The following PCDHA4 variants were observed in gnomAD, a reference collection of about 807,000 sequenced individuals.
The protein encoded by PCDHA4 is protocadherin alpha 4, also known as protocadherin alpha-4.
Under a neutral mutation model 61.4 loss-of-function variants are expected in PCDHA4, and 49 were observed. The ratio of observed to expected loss-of-function variants is 0.80; its 90% CI spans 0.63 to 1.01. PCDHA4 has a LOEUF of 1.01. Ranked by LOEUF, PCDHA4 falls within the 50% of genes least tolerant of loss-of-function variation. The pLI is 0.00. For missense variants in PCDHA4, 1,254 were observed against 1,235.8 expected, an observed-to-expected ratio of 1.01 and a Z score of -0.22; for synonymous variants, 590 against 550.3, an observed-to-expected ratio of 1.07 and a Z score of -1.01.
intron 1 of PCDHA4, chr5:140,881,923 AGTGATT>A (rs2058875658): frequency 3.8e-6 from 1 of 262,834 alleles, no homozygotes; most frequent in African/African-American, 2.2e-5. Flanking sequence ...AGCAGAATGC[AGTGATT>A]TGCTGTTTCT....
intron 1 of PCDHA4, among the ~76,000 whole-genome samples, chr5:140,953,431 G>A (rs782512202): frequency 6.6e-5 from 10 of 152,088 alleles, no homozygotes; most frequent in Non-Finnish European, 1.2e-4. Flanking sequence ...TTGTCCTTAA[G>A]CTGGAGAAAC....
At chr5:140,850,013 C>G in intron 1 of PCDHA4, 1 of 1,597,018 alleles carries the variant, frequency 6.3e-7, no homozygotes, top group Non-Finnish European at 8.6e-7. Flanking sequence ...CGCTGTCGAG[C>G]TACGTGTCAG....
At position 140,807,962 on chromosome 5, in the gene PCDHA4, A is replaced by T; in HGVS notation, c.775A>T (p.Thr259Ser). 1 of 1,614,066 alleles carries T rather than the reference A, an allele frequency of 6.2e-7. No homozygotes were observed. ...ATTACTAGAAAATGTTCCTAATGGA[A>T]CATTGGTAATTAAACTTAACGCCTC... Reference protein sequence around the residue: ...VRLLENVPNGTLVIKLNASDL... With the variant: ...VRLLENVPNGSLVIKLNASDL... The change falls in exon 1 of 4, where the codon ACA (threonine) becomes TCA (serine). Residue 259 changes from threonine to serine, a missense_variant. Transcript: ENST00000530339.
intron 1 of PCDHA4, chr5:140,883,872 T>A (rs1554180376): frequency 1.2e-6 from 2 of 1,612,996 alleles, no homozygotes; most frequent in African/African-American, 1.3e-5. Flanking sequence ...CAGTTCCAGG[T>A]GAGCGCGCGC....
In PCDHA4 at chr5:140,857,206, C is replaced by T. The variant is rs1554149659; in HGVS notation, c.2385+47634C>T. On this transcript the variant is annotated intron_variant, in intron 1 of 3. Transcript: ENST00000530339. Reference sequence around the variant, plus strand: ...CAGGAGCCAACGGACAGGTCACCTGCTCTCTGACGCCTCACGTTCCGTTCA... The same window carrying T: ...CAGGAGCCAACGGACAGGTCACCTGTTCTCTGACGCCTCACGTTCCGTTCA... The T allele has an allele frequency of 2.5e-6, 4 of 1,598,614 alleles. No homozygotes were observed. The South Asian group carries it at 3.3e-5, about 13-fold the overall frequency.
chr5:140,850,861 C>T, intron 1 of PCDHA4: 9 of 1,592,808 alleles, frequency 5.7e-6, no homozygotes, highest in Non-Finnish European at 6.9e-6. Flanking sequence ...ACGGGAGAAC[C>T]CTCTGCTTCC....
intron 1 of PCDHA4, among the ~76,000 whole-genome samples, chr5:140,890,446 T>C (rs1554184296): frequency 6.6e-6 from 1 of 152,228 alleles, no homozygotes; most frequent in Admixed American, 6.5e-5. Context: ...CCTAGTGATA[T>C]CTTTAGGCAC....
chr5:140,832,090 C>T (rs1233831526), intron 1 of PCDHA4, among the ~76,000 whole-genome samples: 2 of 152,154 alleles, frequency 1.3e-5, no homozygotes, highest in Admixed American at 1.3e-4. Flanking sequence ...ATTTTAAATG[C>T]CATGTTCTAC....
chr5:140,890,608 G>A (rs1451973329), intron 1 of PCDHA4, among the ~76,000 whole-genome samples: 1 of 152,026 alleles, frequency 6.6e-6, no homozygotes, highest in African/African-American at 2.4e-5. Flanking sequence ...AATAGCTAGT[G>A]CTTACCCTAG....
intron 1 of PCDHA4, chr5:140,860,894 C>A (rs1220238688): frequency 1.3e-5 from 2 of 152,314 alleles, no homozygotes; most frequent in African/African-American, 2.4e-5. Context: ...CCCGCCAACA[C>A]GCCAGGCTAA....
intron 1 of PCDHA4, chr5:140,864,855 T>G (rs1173322611): frequency 1.3e-5 from 2 of 152,178 alleles, no homozygotes; most frequent in African/African-American, 4.8e-5. Flanking sequence ...CCATACATGA[T>G]GAAGGGTGAT....
intron 1 of PCDHA4, among the ~76,000 whole-genome samples, chr5:140,935,894 CTTTTTTTT>C (rs55841305): frequency 1.5e-5 from 2 of 136,750 alleles, no homozygotes; most frequent in African/African-American, 5.4e-5. Context: ...TCAATATTAT[CTTTTTTTT>C]TTTTTTTTGA....
chr5:140,975,120 C>T (rs2096654332), intron 1 of PCDHA4, among the ~76,000 whole-genome samples: 1 of 152,140 alleles, frequency 6.6e-6, no homozygotes, highest in African/African-American at 2.4e-5. Flanking sequence ...TGTTTTCCTA[C>T]TTACTATTGG....
chr5:140,835,664 G>C, intron 1 of PCDHA4: 7 of 1,613,934 alleles, frequency 4.3e-6, no homozygotes, highest in Non-Finnish European at 5.9e-6. Flanking sequence ...TGGTTACCGC[G>C]CGGGACGGGG....
chr5:140,862,475 C>T (rs1252932396), intron 1 of PCDHA4: 2 of 377,970 alleles, frequency 5.3e-6, no homozygotes, highest in African/African-American at 4.2e-5. Flanking sequence ...GCAAATCTAT[C>T]CATTGTTGGT....
chr5:140,841,559 C>A, intron 1 of PCDHA4: 1 of 1,613,852 alleles, frequency 6.2e-7, no homozygotes, highest in Non-Finnish European at 8.5e-7. Flanking sequence ...GGTAAGTCTG[C>A]AGAATGGCAT....
chr5:140,822,798 T>A (rs2150119412), intron 1 of PCDHA4: 1 of 1,614,188 alleles, frequency 6.2e-7, no homozygotes, highest in South Asian at 1.1e-5. Context: ...AACTCCTGGA[T>A]GTGAATGATA....
chr5:140,922,950 T>G (rs928008081), intron 1 of PCDHA4, among the ~76,000 whole-genome samples: 6 of 152,208 alleles, frequency 3.9e-5, no homozygotes, highest in Non-Finnish European at 5.9e-5. Flanking sequence ...GGAAATCCAG[T>G]TTGTCTTCAG....
At chr5:140,835,910 A>G (rs2150248144) in intron 1 of PCDHA4, 5 of 1,612,138 alleles carry the variant, frequency 3.1e-6, no homozygotes, top group Non-Finnish European at 3.4e-6. Context: ...GCTACGTGTC[A>G]GTGCACGCGG....
Sources: allele counts gnomAD v4.1 joint callset (sites outside exome capture counted in the v4.1 genomes callset), GRCh38; gene constraint gnomAD v4.1.1; transcripts MANE v1.5; gene names NCBI Gene and HGNC (gene_info 2026-07-23, HGNC 2026-07-21).